EYS: variants seen among roughly 807,000 people sequenced by gnomAD.
EYS encodes the protein EGF-like photoreceptor maintenance factor.
EYS carries 250 observed loss-of-function variants against 282.1 expected under a neutral mutation model. The observed-to-expected ratio is 0.89, with a 90% CI of 0.80 to 0.98. EYS has a LOEUF of 0.98. EYS is among the 50% of genes least tolerant of loss of function. The pLI, the probability that EYS is intolerant of heterozygous loss-of-function variation, is 0.00. For missense variants in EYS, 4,016 were observed against 3,709.0 expected (o/e 1.08, Z -2.15); for synonymous variants, 1,355 against 1,282.9 (o/e 1.06, Z -1.20).
chr6:64,245,976 G>A (rs1054840725), intron 30 of EYS, among the ~76,000 whole-genome samples: 2 of 130,596 alleles, frequency 1.5e-5, no homozygotes, highest in East Asian at 2.5e-4. Flanking sequence ...TCGAGATCGC[G>A]CCACTGCAGT....
chr6:64,626,351 A>G, intron 22 of EYS, 106 bp from the exon 23 acceptor site: 11 of 1,350,534 alleles, frequency 8.1e-6, no homozygotes, highest in Non-Finnish European at 1.1e-5. Flanking sequence ...GAGCTCCAAC[A>G]ACATGTAGCT....
intron 28 of EYS, among the ~76,000 whole-genome samples, chr6:64,427,949 A>G (rs188065464): frequency 1.5e-3 from 235 of 152,234 alleles, no homozygotes; most frequent in African/African-American, 5.3e-3. Flanking sequence ...CCATAACACA[A>G]CTGACTTTCA....
At chr6:65,134,948 G>A (rs1775981819) in intron 12 of EYS, among the ~76,000 whole-genome samples, 1 of 151,960 alleles carries the variant, frequency 6.6e-6, no homozygotes, top group Non-Finnish European at 1.5e-5. Flanking sequence ...GAGAAAATCT[G>A]TGATCATATG....
chr6:64,922,801 C>A (rs2150082580), intron 15 of EYS, among the ~76,000 whole-genome samples: 1 of 152,216 alleles, frequency 6.6e-6, no homozygotes, highest in South Asian at 2.1e-4. Context: ...CTGCAGGTCA[C>A]AAGGTAACAG....
intron 19 of EYS, among the ~76,000 whole-genome samples, chr6:64,834,381 A>C (rs1765318801): frequency 6.6e-6 from 1 of 151,810 alleles, no homozygotes; most frequent in South Asian, 2.1e-4. Context: ...TTTAATACAG[A>C]GCTGCATGAA....
chr6:65,134,934 T>A (rs1775981350), intron 12 of EYS, among the ~76,000 whole-genome samples: 1 of 151,934 alleles, frequency 6.6e-6, no homozygotes, highest in African/African-American at 2.4e-5. Context: ...AATGGGAAGT[T>A]GTTGAGAAAA....
At chr6:64,621,692 A>G (rs1556628) in intron 23 of EYS, among the ~76,000 whole-genome samples, 20,489 of 152,216 alleles carry the variant, frequency 0.13, 1,408 homozygotes, top group East Asian at 0.16. Context: ...CCCCAAGGAT[A>G]GTGCAGCATT....
rs1041230309 is a variant in EYS, at chr6:64,658,995, A to G, written c.3444-32750T>C. 9.2e-5 allele frequency among the ~76,000 whole-genome samples: 14 copies of G among 152,190 alleles called. 1 individual carries two copies. The highest frequency in any genetic ancestry group is 2.9e-4 in the African/African-American group (12 of 41,436). The stretch of plus-strand genomic sequence containing the variant: ...TTGACCACATAGTTGGAAGTAGAGC[A>G]CTCCTCAGCAAATGCAAAAGAACAG... On this transcript the variant is annotated intron_variant, in intron 22 of 42. Coordinates refer to ENST00000503581, the MANE Select transcript of EYS (RefSeq NM_001142800.2).
intron 29 of EYS, among the ~76,000 whole-genome samples, chr6:64,377,635 A>G (rs776732327): frequency 2.0e-5 from 3 of 152,162 alleles, no homozygotes; most frequent in African/African-American, 4.8e-5. Flanking sequence ...AATGTGCTTA[A>G]TAACTATTAA....
intron 12 of EYS, among the ~76,000 whole-genome samples, chr6:65,212,355 A>T (rs1041169867): frequency 1.3e-5 from 2 of 152,068 alleles, no homozygotes; most frequent in Admixed American, 6.6e-5. Flanking sequence ...ATCAGATAAA[A>T]TTTTTTCTTT....
intron 22 of EYS, among the ~76,000 whole-genome samples, chr6:64,669,530 T>C (rs1769363282): frequency 6.6e-6 from 1 of 152,164 alleles, no homozygotes; most frequent in Non-Finnish European, 1.5e-5. Context: ...CTTTGAGAAG[T>C]GATTACATGA....
intron 5 of EYS, among the ~76,000 whole-genome samples, chr6:65,459,971 TATATATATA>T (rs1764764005): frequency 1.7e-4 from 3 of 17,250 alleles, no homozygotes; most frequent in East Asian, 3.0e-3. Flanking sequence ...GTGTATTTTA[TATATATATA>T]TATATATATA....
At chr6:65,072,803 T>A (rs925657045) in intron 12 of EYS, among the ~76,000 whole-genome samples, 1 of 151,282 alleles carries the variant, frequency 6.6e-6, no homozygotes, top group Non-Finnish European at 1.5e-5. Context: ...TTACGTAAGA[T>A]AATTATTTGA....
At chr6:65,655,989 T>G (rs1767808332) in intron 1 of EYS, among the ~76,000 whole-genome samples, 1 of 151,902 alleles carries the variant, frequency 6.6e-6, no homozygotes, top group Non-Finnish European at 1.5e-5. Context: ...CACATTTTCG[T>G]AATTCTCACC....
chr6:65,611,510 C>G (rs1766001573), intron 2 of EYS, among the ~76,000 whole-genome samples: 2 of 151,652 alleles, frequency 1.3e-5, no homozygotes, highest in Non-Finnish European at 2.9e-5. Context: ...CCTTAAAGCC[C>G]TAAGTCATGA....
At chr6:64,402,339 C>T (rs1302119654) in intron 28 of EYS, among the ~76,000 whole-genome samples, 3 of 152,264 alleles carry the variant, frequency 2.0e-5, no homozygotes, top group Admixed American at 6.5e-5. Flanking sequence ...TGTGATTTAT[C>T]CATCTTTGAT....
intron 26 of EYS, among the ~76,000 whole-genome samples, chr6:64,478,025 T>C (rs1776326463): frequency 6.6e-6 from 1 of 152,042 alleles, no homozygotes; most frequent in African/African-American, 2.4e-5. Context: ...GTACCATTAT[T>C]ATGAACTTGC....
chr6:65,291,910 C>G (rs1009362098), intron 12 of EYS, among the ~76,000 whole-genome samples: 1 of 151,492 alleles, frequency 6.6e-6, no homozygotes, highest in African/African-American at 2.4e-5. Context: ...TTGAGCTTGA[C>G]GTGATCCTAC....
chr6:65,497,048 C>G (rs973796810), intron 2 of EYS, among the ~76,000 whole-genome samples: 1 of 152,006 alleles, frequency 6.6e-6, no homozygotes, highest in Non-Finnish European at 1.5e-5. Flanking sequence ...ACAACTTCTA[C>G]ATAATTCAAT....
Sources: gnomAD v4.1 joint callset for allele counts (sites outside exome capture counted in the v4.1 genomes callset) on GRCh38, gnomAD v4.1.1 for gene constraint, MANE v1.5 for transcripts, NCBI Gene and HGNC (gene_info 2026-07-23, HGNC 2026-07-21) for gene names.